OR2A1: variants seen among roughly 807,000 people sequenced by gnomAD.
OR2A1 encodes the protein olfactory receptor 2A1/2A42.
For synonymous variants in OR2A1, 2 were observed against 94.7 expected, an observed-to-expected ratio of 0.02 and a Z score of 5.68; for missense variants, 1 against 212.3, an observed-to-expected ratio of 0.00 and a Z score of 6.19.
intron 1 of OR2A1, among the ~76,000 whole-genome samples, chr7:144,313,130 A>G (rs2053038204): frequency 1.0e-5 from 1 of 95,966 alleles, no homozygotes; most frequent in South Asian, 3.6e-4. Context: ...TCTGACCACT[A>G]AGCCCATGGC....
Position 144,315,358 on chromosome 7 carries a change from T to TA in OR2A1, c.-4-2756dup, listed in dbSNP as rs1331862092. On this transcript the variant is annotated intron_variant, in intron 1 of 1. Coordinates refer to ENST00000641044, the MANE Select transcript of OR2A1 (RefSeq NM_001005287.2). Reference sequence around the variant, plus strand: ...ATTCCAGATTCAGTCAAAGGATGGTTAAAAAAACTATGCATTCATTCATTT... The same window carrying TA: ...ATTCCAGATTCAGTCAAAGGATGGTTAAAAAAAACTATGCATTCATTCATTT... Among the ~76,000 whole-genome samples the TA allele has an allele frequency of 3.6e-5, 2 of 56,316 alleles. 1 individual carries two copies. The allele number at this position is 56,316 out of a possible 152,430, so 36.9% of individuals were successfully genotyped here.
rs376554508 is a variant in OR2A1 at position 144,318,316 on chromosome 7, C to T, written c.192C>T (p.His64=). 7.2e-6 allele frequency: 10 copies of T among 1,380,202 alleles called. No homozygotes were observed. Among genetic ancestry groups the T allele is most frequent in the Non-Finnish European group, 1.0e-5 (10 of 968,716 alleles). 85.5% of individuals were successfully genotyped at this position (1,380,202 alleles called of 1,614,324 possible). Residue 64 remains histidine (H), a synonymous_variant, in exon 2 of 2, where the codon CAC becomes CAT. Coordinates refer to ENST00000641044, the MANE Select transcript of OR2A1 (RefSeq NM_001005287.2). ...CCCCCATGTACTTCTTCCTCTCACA[C>T]CTGGCTGTCGTCGACATCGCCTACA... is the stretch of plus-strand genomic sequence containing the variant. ...LHTPMYFFLS[H]LAVVDIAYTR...
chr7:144,313,550 T>C (rs1295361691), intron 1 of OR2A1, among the ~76,000 whole-genome samples: 3 of 108,428 alleles, frequency 2.8e-5, no homozygotes, highest in African/African-American at 1.1e-4. Context: ...TTCTATGTGA[T>C]ACAAAGAAAA....
At position 144,321,891 on chromosome 7, in the gene OR2A1, G is replaced by A. The variant is rs1198568030; in HGVS notation, c.*2834G>A. 7.4e-6 allele frequency: 1 copy of A among 135,288 alleles called. No individual in the cohort carries two copies. The highest frequency in any genetic ancestry group is 2.0e-4 in the East Asian group (1 of 5,062). 8.4% of individuals were successfully genotyped at this position (135,288 alleles called of 1,614,324 possible). A position where few individuals can be genotyped will look rare whatever the true frequency, so the allele number is the denominator to read the frequency against. ...TTAAACAGGAAGAGCATTGGTGCTG[G>A]TAGGTCACCTACGCCTTTGCCCTCA... On this transcript the variant is annotated 3_prime_UTR_variant, in exon 2 of 2. Coordinates refer to ENST00000641044, the MANE Select transcript of OR2A1 (RefSeq NM_001005287.2).
rs1256742090 is a variant in OR2A1, at chr7:144,320,350, G to A, written c.*1293G>A. 2 of 125,170 alleles carry A rather than the reference G, an allele frequency of 1.6e-5. No homozygotes were observed. The highest frequency in any genetic ancestry group is 7.9e-5 in the African/African-American group (2 of 25,314). 7.8% of individuals were successfully genotyped at this position (125,170 alleles called of 1,614,324 possible). On this transcript the variant is annotated 3_prime_UTR_variant, in exon 2 of 2. Transcript: ENST00000641044. ...GAGAGTAAGTTTAGAACTATACTTG[G>A]TTCTGGGTGGTAAGATCCAGAACAA... is the stretch of plus-strand genomic sequence containing the variant.
At position 144,321,067 on chromosome 7, in the gene OR2A1, G is replaced by C. The variant is rs1278923198; in HGVS notation, c.*2010G>C. The C allele has an allele frequency of 1.1e-5, 1 of 92,222 alleles. No homozygotes were observed. The highest frequency in any genetic ancestry group is 3.2e-4 in the South Asian group (1 of 3,088). The allele number at this position is 92,222 out of a possible 1,614,324, so 5.7% of individuals were successfully genotyped here. On this transcript the variant is annotated 3_prime_UTR_variant, in exon 2 of 2. Coordinates refer to ENST00000641044, the MANE Select transcript of OR2A1 (RefSeq NM_001005287.2). ...CGTGTGCCTATATCCCCAGCTATTC[G>C]GGAGGCTGAGGCAAGAGGATCACTT...
chr7:144,320,323 T>G lies in OR2A1; in HGVS notation c.*1266T>G, dbSNP rs1183031156. 5 of 117,614 alleles carry G rather than the reference T, an allele frequency of 4.3e-5. No individual in the cohort carries two copies. Among genetic ancestry groups the G allele is most frequent in the African/African-American group, 2.2e-4 (5 of 22,754 alleles). The allele number at this position is 117,614 out of a possible 1,614,324, so 7.3% of individuals were successfully genotyped here. ...GAGTAGAGGCTGTTCTCAATGAGAT[T>G]AGAGAGTAAGTTTAGAACTATACTT... On this transcript the variant is annotated 3_prime_UTR_variant, in exon 2 of 2. Transcript: ENST00000641044.
At position 144,322,354 on chromosome 7, in the gene OR2A1, G is replaced by C. The variant is rs2053176814; in HGVS notation, c.*3297G>C. On this transcript the variant is annotated 3_prime_UTR_variant, in exon 2 of 2. Transcript: ENST00000641044. The stretch of plus-strand genomic sequence containing the variant: ...AATTTTCAGTGTTGAGCCATCTTCT[G>C]ATTTCTAAACTTCTTTAAATCCCTC... 1 of 150,056 alleles carries C rather than the reference G, an allele frequency of 6.7e-6. No individual in the cohort carries two copies. The highest frequency in any genetic ancestry group is 2.5e-5 in the African/African-American group (1 of 40,502). The allele number at this position is 150,056 out of a possible 1,614,324, so 9.3% of individuals were successfully genotyped here.
At position 144,321,275 on chromosome 7, in the gene OR2A1, T is replaced by G. The variant is rs1456862664; in HGVS notation, c.*2218T>G. On this transcript the variant is annotated 3_prime_UTR_variant, in exon 2 of 2. Transcript: ENST00000641044. ...TGCTGCCGAACAGTTTTTAAACGGT[T>G]GTTTAGTTTCACGGCAGATGCTGCA... 7.3e-6 allele frequency: 1 copy of G among 137,192 alleles called. No individual in the cohort carries two copies. The highest frequency in any genetic ancestry group is 1.5e-5 in the Non-Finnish European group (1 of 65,126). 8.5% of individuals were successfully genotyped at this position (137,192 alleles called of 1,614,324 possible).
At chr7:144,314,511 GT>G (rs888420584) in intron 1 of OR2A1, among the ~76,000 whole-genome samples, 1 of 99,234 alleles carries the variant, frequency 1.0e-5, no homozygotes, top group East Asian at 2.2e-4. Flanking sequence ...TGTTTTACTT[GT>G]TTTTTTGAGA....
At position 144,312,508 on chromosome 7, in the gene OR2A1, T is replaced by C. The variant is rs1190076623; in HGVS notation, c.-44T>C. 1.1e-5 allele frequency: 1 copy of C among 93,334 alleles called. No homozygotes were observed. Among genetic ancestry groups the C allele is most frequent in the Admixed American group, 1.5e-4 (1 of 6,816 alleles). The allele number at this position is 93,334 out of a possible 1,614,324, so 5.8% of individuals were successfully genotyped here. ...GAATTCCTCCTAGACATGTTGTAGC[T>C]CCTGGTCTTGGTTAACTTTCACATC... On this transcript the variant is annotated 5_prime_UTR_variant, in exon 1 of 2. Coordinates refer to ENST00000641044, the MANE Select transcript of OR2A1 (RefSeq NM_001005287.2).
rs1255360014 is a variant in OR2A1, at chr7:144,322,322, A to G, written c.*3265A>G. 2.7e-5 allele frequency: 4 copies of G among 149,254 alleles called. No homozygotes were observed. The East Asian group carries it at 7.8e-4, about 29-fold the overall frequency. 9.2% of individuals were successfully genotyped at this position (149,254 alleles called of 1,614,324 possible). On this transcript the variant is annotated 3_prime_UTR_variant, in exon 2 of 2. Coordinates refer to ENST00000641044, the MANE Select transcript of OR2A1 (RefSeq NM_001005287.2). ...AGAGGACACTTTATCTGTTGACCCC[A>G]TTTCCAAATTTTCAGTGTTGAGCCA...
intron 1 of OR2A1, among the ~76,000 whole-genome samples, chr7:144,317,446 G>T (rs1462255414): frequency 6.8e-6 from 1 of 147,322 alleles, no homozygotes; most frequent in Non-Finnish European, 1.5e-5. Flanking sequence ...TGTGTGAGTT[G>T]TTATTCAAAA....
chr7:144,317,981 CTTACAATCA>C lies in OR2A1; in HGVS notation c.-4-139_-4-131del, dbSNP rs1407102889. The stretch of plus-strand genomic sequence containing the variant: ...ACAATCCCTTCTATAACACTGGATA[CTTACAATCA>C]GTAATTAACTTAATGTGTAGCTCAA... On this transcript the variant is annotated intron_variant, in intron 1 of 1. Coordinates refer to ENST00000641044, the MANE Select transcript of OR2A1 (RefSeq NM_001005287.2). 5.9e-6 allele frequency: 2 copies of C among 340,356 alleles called. 1 individual carries two copies. The highest frequency in any genetic ancestry group is 9.8e-6 in the Non-Finnish European group (2 of 203,206). 21.1% of individuals were successfully genotyped at this position (340,356 alleles called of 1,614,324 possible).
rs1450656689 is a variant in OR2A1, at chr7:144,321,600, TGCTA to T, written c.*2547_*2550del. Reference sequence around the variant, plus strand: ...TGGTTCTAGTTCCAGATGTACCATTTGCTAGCTGTGTTTTTTGCAGAGAAGTCCC... The same window carrying T: ...TGGTTCTAGTTCCAGATGTACCATTTGCTGTGTTTTTTGCAGAGAAGTCCC... On this transcript the variant is annotated 3_prime_UTR_variant, in exon 2 of 2. Coordinates refer to ENST00000641044, the MANE Select transcript of OR2A1 (RefSeq NM_001005287.2). 6.7e-6 allele frequency: 1 copy of T among 150,056 alleles called. No homozygotes were observed. Among genetic ancestry groups the T allele is most frequent in the African/African-American group, 2.5e-5 (1 of 39,892 alleles). The allele number at this position is 150,056 out of a possible 1,614,324, so 9.3% of individuals were successfully genotyped here.
chr7:144,321,207 T>G lies in OR2A1; in HGVS notation c.*2150T>G, dbSNP rs2053157628. ...ATAAAAATGAAATAATTTATTAAAT[T>G]TTTTAAAATTACCCAAACTGGATAT... On this transcript the variant is annotated 3_prime_UTR_variant, in exon 2 of 2. Transcript: ENST00000641044. 1.1e-5 allele frequency: 1 copy of G among 88,806 alleles called. No homozygotes were observed. The highest frequency in any genetic ancestry group is 1.2e-4 in the Admixed American group (1 of 8,152). 5.5% of individuals were successfully genotyped at this position (88,806 alleles called of 1,614,324 possible).
rs1274628573 is a variant in OR2A1, at chr7:144,320,443, CA to C, written c.*1387del. On this transcript the variant is annotated 3_prime_UTR_variant, in exon 2 of 2. Coordinates refer to ENST00000641044, the MANE Select transcript of OR2A1 (RefSeq NM_001005287.2). ...ATGCGTGTGCACACACACACACACACACACACATATACGCACAGTGCTTAGT... is the reference window on the plus strand; with the variant it reads ...ATGCGTGTGCACACACACACACACACCACACATATACGCACAGTGCTTAGT... The C allele has an allele frequency of 7.5e-5, 10 of 133,446 alleles. No individual in the cohort carries two copies. Among genetic ancestry groups the C allele is most frequent in the Admixed American group, 7.3e-4 (10 of 13,636 alleles). The allele number at this position is 133,446 out of a possible 1,614,324, so 8.3% of individuals were successfully genotyped here.
At chr7:144,313,417 T>A (rs1282268509) in intron 1 of OR2A1, among the ~76,000 whole-genome samples, 1 of 84,450 alleles carries the variant, frequency 1.2e-5, no homozygotes, top group Non-Finnish European at 2.2e-5. Flanking sequence ...TTGTTGTTTG[T>A]TTTTTTACCA....
chr7:144,313,474 C>A (rs1340244763), intron 1 of OR2A1, among the ~76,000 whole-genome samples: 1 of 135,976 alleles, frequency 7.4e-6, no homozygotes, highest in Non-Finnish European at 1.6e-5. Flanking sequence ...ATCTTGCCTA[C>A]TATAATCGGT....
Sources: gnomAD v4.1 joint callset for allele counts (sites outside exome capture counted in the v4.1 genomes callset) on GRCh38, gnomAD v4.1.1 for gene constraint, MANE v1.5 for transcripts, NCBI Gene and HGNC (gene_info 2026-07-23, HGNC 2026-07-21) for gene names.